Variants in PTPRD observed in about 807,000 individuals in gnomAD.
PTPRD encodes protein tyrosine phosphatase receptor type D.
PTPRD carries 34 observed loss-of-function variants against 214.5 expected under a neutral mutation model. The observed-to-expected ratio is 0.16, with a 90% CI of 0.12 to 0.21. PTPRD has a LOEUF of 0.21. PTPRD is among the 10% of genes least tolerant of loss of function. The pLI is 1.00. For missense variants in PTPRD, 2,545 were observed against 2,398.7 expected (o/e 1.06, Z -1.27); for synonymous variants, 1,128 against 845.7 (o/e 1.33, Z -5.79).
chr9:8,752,783 T>C (rs546390803), intron 11 of PTPRD, among the ~76,000 whole-genome samples: 4 of 152,142 alleles, frequency 2.6e-5, no homozygotes, highest in Admixed American at 2.6e-4. Flanking sequence ...AGTCCAATCA[T>C]GATCATCTAA....
At chr9:9,442,446 A>G (rs959121518) in intron 8 of PTPRD, 5 of 152,130 alleles carry the variant, frequency 3.3e-5, no homozygotes, top group African/African-American at 7.2e-5. Context: ...GAGATATTCT[A>G]TTTTGCACCT....
intron 9 of PTPRD, among the ~76,000 whole-genome samples, chr9:9,290,696 GAAC>G (rs1950880258): frequency 6.6e-6 from 1 of 151,448 alleles, no homozygotes; most frequent in Non-Finnish European, 1.5e-5. Context: ...TGATTAGCAT[GAAC>G]AACAAAATAT....
At chr9:10,286,244 C>T (rs2154397269) in intron 3 of PTPRD, among the ~76,000 whole-genome samples, 1 of 152,086 alleles carries the variant, frequency 6.6e-6, no homozygotes, top group Non-Finnish European at 1.5e-5. Flanking sequence ...TCTGATGTCC[C>T]AGCCTGTGCA....
chr9:8,698,234 G>T (rs950682622), intron 12 of PTPRD, among the ~76,000 whole-genome samples: 1 of 152,220 alleles, frequency 6.6e-6, no homozygotes, highest in African/African-American at 2.4e-5. Context: ...TACCTACTGT[G>T]TGATAGATGT....
intron 5 of PTPRD, among the ~76,000 whole-genome samples, chr9:9,893,993 T>C (rs2074209256): frequency 6.6e-6 from 1 of 152,046 alleles, no homozygotes; most frequent in African/African-American, 2.4e-5. Context: ...TGTTGGTATT[T>C]GGTAGAGAAG....
At chr9:10,091,405 T>G (rs2098428278) in intron 3 of PTPRD, among the ~76,000 whole-genome samples, 1 of 151,524 alleles carries the variant, frequency 6.6e-6, no homozygotes, top group Non-Finnish European at 1.5e-5. Flanking sequence ...TATCCAGTAC[T>G]GAAAACTGAT....
chr9:9,172,493 C>G (rs1369895300), intron 10 of PTPRD, among the ~76,000 whole-genome samples: 1 of 152,084 alleles, frequency 6.6e-6, no homozygotes, highest in African/African-American at 2.4e-5. Context: ...CCGTTTGGAC[C>G]TAGATTAAGC....
rs2099749534 is a variant in PTPRD at position 9,075,379 on chromosome 9, A to G, written c.-142-56644T>C. Among the ~76,000 whole-genome samples the G allele has an allele frequency of 5.3e-5, 8 of 152,246 alleles. No individual in the cohort carries two copies. In the South Asian group the frequency reaches 1.7e-3, roughly 32 times the overall value. ...TAATCACCCCGTTGTACTTTCAAAT[A>G]CTAGATATTATTCATTCGATATCGG... On this transcript the variant is annotated intron_variant, in intron 10 of 45. Transcript: ENST00000381196.
intron 5 of PTPRD, among the ~76,000 whole-genome samples, chr9:9,893,686 A>C (rs1432745314): frequency 1.3e-5 from 2 of 152,118 alleles, no homozygotes; most frequent in African/African-American, 4.8e-5. Flanking sequence ...AGGGAGTTTG[A>C]AATACCATTA....
chr9:9,672,466 T>C (rs1364899364), intron 7 of PTPRD, among the ~76,000 whole-genome samples: 2 of 152,114 alleles, frequency 1.3e-5, no homozygotes, highest in African/African-American at 2.4e-5. Flanking sequence ...AAATACATGA[T>C]TACTTATTTT....
intron 11 of PTPRD, among the ~76,000 whole-genome samples, chr9:8,954,318 G>A (rs1368766611): frequency 2.6e-5 from 4 of 151,812 alleles, no homozygotes; most frequent in Admixed American, 1.3e-4. Context: ...ATAAAAAAAG[G>A]AGCAAAAGAC....
chr9:9,771,390 C>G (rs1372691588), intron 5 of PTPRD, among the ~76,000 whole-genome samples: 4 of 152,102 alleles, frequency 2.6e-5, no homozygotes, highest in Non-Finnish European at 5.9e-5. Context: ...TATTTTATGT[C>G]ATTTGTGGTC....
chr9:9,813,194 A>G (rs539115548), intron 5 of PTPRD, among the ~76,000 whole-genome samples: 1 of 152,152 alleles, frequency 6.6e-6, no homozygotes, highest in East Asian at 1.9e-4. Context: ...ACATTTATTA[A>G]TAATAAAGAT....
chr9:10,564,171 C>CTTTTTTTTTTCTTTTTTTTTTTTT (rs2064917102), intron 2 of PTPRD, among the ~76,000 whole-genome samples: 1 of 29,408 alleles, frequency 3.4e-5, no homozygotes, highest in Non-Finnish European at 5.5e-5. Context: ...CTAGGCTATT[C>CTTTTTTTTTTCTTTTTTTTTTTTT]TTTTTTTTTT....
intron 14 of PTPRD, among the ~76,000 whole-genome samples, chr9:8,614,855 A>C (rs965362933): frequency 2.6e-5 from 4 of 152,126 alleles, no homozygotes; most frequent in Admixed American, 1.3e-4. Flanking sequence ...ATTTCACAAA[A>C]AGTAATCTAC....
chr9:9,074,279 A>T (rs146867268), intron 10 of PTPRD, among the ~76,000 whole-genome samples: 3 of 152,232 alleles, frequency 2.0e-5, no homozygotes, highest in East Asian at 3.9e-4. Context: ...TTACATGAAG[A>T]ATAATTGAAA....
At chr9:10,236,922 T>C (rs1381201065) in intron 3 of PTPRD, among the ~76,000 whole-genome samples, 2 of 151,930 alleles carry the variant, frequency 1.3e-5, no homozygotes, top group Non-Finnish European at 2.9e-5. Flanking sequence ...AATATTATTC[T>C]TTGGTGGGGG....
intron 30 of PTPRD, among the ~76,000 whole-genome samples, chr9:8,477,439 G>C (rs1337958106): frequency 6.6e-6 from 1 of 151,984 alleles, no homozygotes; most frequent in Admixed American, 6.6e-5. Flanking sequence ...TATCATCAAG[G>C]GGCCCAGTTC....
intron 8 of PTPRD, among the ~76,000 whole-genome samples, chr9:9,548,910 A>C (rs1170433554): frequency 6.6e-6 from 1 of 152,160 alleles, no homozygotes. Flanking sequence ...CATTTTTACC[A>C]TTATATTCAG....
Sources: allele counts gnomAD v4.1 joint callset (sites outside exome capture counted in the v4.1 genomes callset), GRCh38; gene constraint gnomAD v4.1.1; transcripts MANE v1.5; gene names NCBI Gene and HGNC (gene_info 2026-07-23, HGNC 2026-07-21).